Variants in MKX observed in about 807,000 individuals in gnomAD.
The protein encoded by MKX is mohawk homeobox.
Under a neutral mutation model 36.0 loss-of-function variants are expected in MKX, and 13 were observed. The ratio of observed to expected loss-of-function variants is 0.36; its 90% CI spans 0.24 to 0.57. The LOEUF (loss-of-function observed/expected upper bound fraction) is 0.57, where lower values mean the gene tolerates loss of function less well. Among genes scored for constraint, MKX ranks in the 20% least tolerant of loss-of-function variants. The pLI is 0.79. For synonymous variants in MKX, 176 were observed against 178.3 expected (o/e 0.99, Z 0.10); for missense variants, 458 against 456.4 (o/e 1.00, Z -0.03).
chr10:27,743,809 T>C (rs374594178), intron 1 of MKX, among the ~76,000 whole-genome samples: 155 of 152,280 alleles, frequency 1.0e-3, no homozygotes, highest in African/African-American at 3.6e-3. Context: ...AACGAGCCTC[T>C]GGGTTTCAGT....
intron 3 of MKX, among the ~76,000 whole-genome samples, chr10:27,735,726 GAAAGA>G (rs1834753709): frequency 6.6e-6 from 1 of 152,192 alleles, no homozygotes; most frequent in Non-Finnish European, 1.5e-5. Context: ...GAGTCCAAAG[GAAAGA>G]GGGGTTACTT....
chr10:27,686,500 A>G (rs1836357086), intron 5 of MKX, among the ~76,000 whole-genome samples: 1 of 152,076 alleles, frequency 6.6e-6, no homozygotes, highest in South Asian at 2.1e-4. Context: ...TTCTTCTGAG[A>G]CAGTCTTGTT....
At chr10:27,731,714 T>A (rs1279198092) in intron 5 of MKX, among the ~76,000 whole-genome samples, 2 of 151,986 alleles carry the variant, frequency 1.3e-5, no homozygotes, top group African/African-American at 4.8e-5. Flanking sequence ...TAGTCCATAC[T>A]ATGGACCAAG....
intron 1 of MKX, among the ~76,000 whole-genome samples, chr10:27,745,208 A>G (rs1307225205): frequency 2.0e-5 from 3 of 152,050 alleles, no homozygotes; most frequent in African/African-American, 7.2e-5. Context: ...GCCACCTCGG[A>G]CACTTCCCCG....
chr10:27,718,826 A>G (rs942179112), intron 5 of MKX, among the ~76,000 whole-genome samples: 1 of 152,148 alleles, frequency 6.6e-6, no homozygotes. Flanking sequence ...ACCTATCACA[A>G]TGCATCATGT....
intron 5 of MKX, among the ~76,000 whole-genome samples, chr10:27,716,508 G>A (rs1836967827): frequency 6.7e-6 from 1 of 149,992 alleles, no homozygotes; most frequent in South Asian, 2.1e-4. Context: ...TTTATGTTAT[G>A]AGATAAAATA....
At chr10:27,708,302 GT>G (rs1320775151) in intron 5 of MKX, among the ~76,000 whole-genome samples, 4 of 151,820 alleles carry the variant, frequency 2.6e-5, no homozygotes, top group Admixed American at 1.3e-4. Flanking sequence ...TTTTTCCCTG[GT>G]TTAGCTCACT....
Position 27,743,311 on chromosome 10 carries a change from G to C in MKX, c.105C>G (p.Asp35Glu), listed in dbSNP as rs748626649. 6.3e-7 allele frequency: 1 copy of C among 1,584,574 alleles called. No homozygotes were observed. The highest frequency in any genetic ancestry group is 2.4e-5 in the East Asian group (1 of 42,012). ...CCACCTCGGGGCGGGCGTGAGGACT[G>C]TCCAGGACACCGCTGTAGGGCCGGC... ...RGGRPYSGVL[D>E]SPHARPEVGI... is the part of the protein sequence containing the mutation. Residue 35 changes from aspartate (D) to glutamate (E), a missense_variant, in exon 2 of 7, where the codon GAC becomes GAG. Physicochemically the swap from Asp to Glu is conservative, Grantham distance 45. Around this residue, in one of 3 missense-constraint regions of MKX, gnomAD observed 149 missense variants for 114.3 expected, o/e 1.30. Transcript: ENST00000419761.
chr10:27,686,861 C>G (rs919204060), intron 5 of MKX, among the ~76,000 whole-genome samples: 3 of 152,166 alleles, frequency 2.0e-5, no homozygotes, highest in African/African-American at 7.2e-5. Context: ...TTCTGCCACC[C>G]CTCATGTGGG....
chr10:27,726,765 C>G (rs924016831), intron 5 of MKX, among the ~76,000 whole-genome samples: 1 of 149,250 alleles, frequency 6.7e-6, no homozygotes, highest in Non-Finnish European at 1.5e-5. Flanking sequence ...TTTTTTTAAA[C>G]CAATTCAAAC....
chr10:27,739,723 T>C (rs1409628398), intron 3 of MKX, among the ~76,000 whole-genome samples: 1 of 152,204 alleles, frequency 6.6e-6, no homozygotes, highest in African/African-American at 2.4e-5. Context: ...TTTTGTTTTC[T>C]GTATGAAAGA....
In MKX at chr10:27,734,894, A is replaced by G. The variant is rs181009445; in HGVS notation, c.503-103T>C. 2.3e-3 allele frequency: 1,503 copies of G among 656,554 alleles called. 60 individuals carry two copies. The Admixed American group carries it at 0.051, about 22-fold the overall frequency. 40.7% of individuals were successfully genotyped at this position (656,554 alleles called of 1,614,324 possible). ...AAAAATATATAAAGGAAATATATTTAAAGTATATAAAATTATCTTTGATAG... is the reference window on the plus strand; with the variant it reads ...AAAAATATATAAAGGAAATATATTTGAAGTATATAAAATTATCTTTGATAG... On this transcript the variant is annotated intron_variant, in intron 4 of 6. Coordinates refer to ENST00000419761, the MANE Select transcript of MKX (RefSeq NM_173576.3).
intron 3 of MKX, among the ~76,000 whole-genome samples, chr10:27,738,596 T>C (rs1834827873): frequency 6.6e-6 from 1 of 152,078 alleles, no homozygotes; most frequent in Admixed American, 6.5e-5. Flanking sequence ...ATATGACTAA[T>C]TTATATAATT....
In MKX at chr10:27,673,256, A is replaced by G. The variant is rs1836082395; in HGVS notation, c.*1973T>C. 1 of 152,372 alleles carries G rather than the reference A, an allele frequency of 6.6e-6. No homozygotes were observed. The highest frequency in any genetic ancestry group is 6.5e-5 in the Admixed American group (1 of 15,286). The allele number at this position is 152,372 out of a possible 1,614,324, so 9.4% of individuals were successfully genotyped here. A position where few individuals can be genotyped will look rare whatever the true frequency, so the allele number is the denominator to read the frequency against. ...TATATTGCCTTGTCATCTATAATTTATAACATAGAAGAAATTTGCTGATTT... is the reference window on the plus strand; with the variant it reads ...TATATTGCCTTGTCATCTATAATTTGTAACATAGAAGAAATTTGCTGATTT... On this transcript the variant is annotated 3_prime_UTR_variant, in exon 7 of 7. Coordinates refer to ENST00000419761, the MANE Select transcript of MKX (RefSeq NM_173576.3).
At chr10:27,728,873 C>T (rs1334560887) in intron 5 of MKX, among the ~76,000 whole-genome samples, 1 of 152,190 alleles carries the variant, frequency 6.6e-6, no homozygotes, top group Non-Finnish European at 1.5e-5. Flanking sequence ...TTGTTATCCT[C>T]CCAAACTTTC....
intron 5 of MKX, among the ~76,000 whole-genome samples, chr10:27,731,138 A>AG (rs1436206243): frequency 2.0e-5 from 3 of 151,456 alleles, no homozygotes; most frequent in Non-Finnish European, 4.4e-5. Flanking sequence ...CATCTCAAAA[A>AG]AAAAAAAAAA....
At chr10:27,703,754 T>A (rs1836703510) in intron 5 of MKX, among the ~76,000 whole-genome samples, 1 of 151,634 alleles carries the variant, frequency 6.6e-6, no homozygotes, top group Non-Finnish European at 1.5e-5. Flanking sequence ...ACAAAAATTA[T>A]CCAGGCATGG....
intron 5 of MKX, among the ~76,000 whole-genome samples, chr10:27,717,312 A>C (rs943358396): frequency 6.6e-6 from 1 of 152,228 alleles, no homozygotes; most frequent in Non-Finnish European, 1.5e-5. Flanking sequence ...TAAAGCTACA[A>C]AATTTGTGAT....
In MKX at chr10:27,734,467, A is replaced by T; in HGVS notation, c.827T>A (p.Val276Asp). 1 of 1,614,016 alleles carries T rather than the reference A, an allele frequency of 6.2e-7. No individual in the cohort carries two copies. Among genetic ancestry groups the T allele is most frequent in the Non-Finnish European group, 8.5e-7 (1 of 1,179,944 alleles). ...PSSSETEGNFVYRTDTLENGS... is the reference protein window; with the variant it reads ...PSSSETEGNFDYRTDTLENGS... Reference sequence around the variant, plus strand: ...AAGCACGGACTTACCTGTGCGATAGACAAAGTTGCCTTCAGTTTCTGATGA... The same window carrying T: ...AAGCACGGACTTACCTGTGCGATAGTCAAAGTTGCCTTCAGTTTCTGATGA... Residue 276 changes from valine (V) to aspartate (D), a missense_variant, in exon 5 of 7, where the codon GTC (valine) becomes GAC (aspartate). Physicochemically the swap from Val to Asp is radical, Grantham distance 152 (BLOSUM62 -3). This residue lies in a region of MKX where 297 missense variants were observed against 304.4 expected (regional missense o/e 0.98). Coordinates refer to ENST00000419761, the MANE Select transcript of MKX (RefSeq NM_173576.3).
Sources: gnomAD v4.1 joint callset for allele counts (sites outside exome capture counted in the v4.1 genomes callset) on GRCh38, gnomAD v4.1.1 for gene constraint, gnomAD v4.1.1 regional missense constraint, MANE v1.5 for transcripts, NCBI Gene and HGNC (gene_info 2026-07-23, HGNC 2026-07-21) for gene names.